Variants in TTLL8 observed in about 807,000 individuals in gnomAD.
TTLL8 encodes protein monoglycylase TTLL8.
TTLL8 carries 65 observed loss-of-function variants against 77.8 expected under a neutral mutation model. The ratio of observed to expected loss-of-function variants is 0.84; its 90% confidence interval spans 0.68 to 1.03. The LOEUF is 1.03. Ranked by LOEUF, TTLL8 falls within the 50% of genes least tolerant of loss-of-function variation. TTLL8 has a pLI of 0.00. For synonymous variants in TTLL8, 402 were observed against 422.8 expected (o/e 0.95, Z 0.60); for missense variants, 910 against 1,004.5 (o/e 0.91, Z 1.27).
At chr22:50,050,912 C>G (rs553753505) in intron 1 of TTLL8, among the ~76,000 whole-genome samples, 1 of 152,336 alleles carries the variant, frequency 6.6e-6, no homozygotes, top group East Asian at 1.9e-4. Context: ...GAGCTCAGTT[C>G]TTAAGACGCG....
intron 12 of TTLL8, among the ~76,000 whole-genome samples, chr22:50,023,884 G>T (rs1329002729): frequency 6.6e-6 from 1 of 151,920 alleles, no homozygotes; most frequent in Non-Finnish European, 1.5e-5. Flanking sequence ...GCCGGGCATG[G>T]TCGTGGGCAC....
intron 1 of TTLL8, among the ~76,000 whole-genome samples, chr22:50,051,626 T>C (rs2061444078): frequency 6.6e-6 from 1 of 152,218 alleles, no homozygotes; most frequent in Admixed American, 6.5e-5. Context: ...TTTTCCACAG[T>C]GGTTGCACTA....
chr22:50,036,104 G>C (rs1447544061), intron 8 of TTLL8, among the ~76,000 whole-genome samples: 1 of 152,210 alleles, frequency 6.6e-6, no homozygotes, highest in African/African-American at 2.4e-5. Flanking sequence ...GGCGAGCAGG[G>C]GCCACAGCCA....
rs149774272 is a variant in TTLL8, at chr22:50,044,127, C to T, written c.643+1128G>A. ...ATCACCTGAAGTCAGGAGTTCGAGACCAGCCTGGCCAACATGGCAAAACCC... is the reference window on the plus strand; with the variant it reads ...ATCACCTGAAGTCAGGAGTTCGAGATCAGCCTGGCCAACATGGCAAAACCC... On this transcript the variant is annotated intron_variant, in intron 6 of 13. Coordinates refer to ENST00000266182, the Ensembl canonical transcript of TTLL8. This position sits in a 1 kb window ranked among gnomAD's most constrained non-coding sequence, Gnocchi z 4.2. Among the ~76,000 whole-genome samples the T allele has an allele frequency of 1.4e-3, 210 of 152,250 alleles. No homozygotes were observed. Among genetic ancestry groups the T allele is most frequent in the Non-Finnish European group, 2.5e-3 (167 of 68,004 alleles).
rs1452425541 is a variant in TTLL8 at position 50,034,570 on chromosome 22, C to T, written c.922-108G>A. 1 of 1,179,248 alleles carries T rather than the reference C, an allele frequency of 8.5e-7. No homozygotes were observed. Among genetic ancestry groups the T allele is most frequent in the African/African-American group, 1.6e-5 (1 of 63,452 alleles). 73.0% of individuals were successfully genotyped at this position (1,179,248 alleles called of 1,614,324 possible). ...CCTGGGCCCCGCCTCACCCACCAAG[C>T]AGGCGCTCGGCTCTAGGATGGTCTG... On this transcript the variant is annotated intron_variant, in intron 8 of 13. Coordinates refer to ENST00000266182, the Ensembl canonical transcript of TTLL8. The surrounding 1 kb of genome is among the most constrained non-coding windows in gnomAD (Gnocchi z 4.1).
chr22:50,056,473 G>A (rs977094448), upstream of TTLL8, among the ~76,000 whole-genome samples: 4 of 152,134 alleles, frequency 2.6e-5, no homozygotes, highest in Non-Finnish European at 4.4e-5. This position sits in a 1 kb window ranked among gnomAD's most constrained non-coding sequence, Gnocchi z 4.1. Flanking sequence ...CTAAGTATGC[G>A]CCTGCCATGT....
At chr22:50,028,841 AC>A (rs529105794) in intron 12 of TTLL8, among the ~76,000 whole-genome samples, 2 of 9,546 alleles carry the variant, frequency 2.1e-4, no homozygotes, top group Non-Finnish European at 3.5e-4. Flanking sequence ...TGTCCTAAAG[AC>A]CCCCACATAC....
chr22:50,043,636 T>C (rs994106631), intron 6 of TTLL8, among the ~76,000 whole-genome samples: 2 of 151,916 alleles, frequency 1.3e-5, no homozygotes, highest in Non-Finnish European at 2.9e-5. Context: ...AGTAGATGGA[T>C]AGATAAATAA....
intron 2 of TTLL8, 175 bp downstream of exon 4, chr22:50,049,934 G>T: frequency 6.6e-6 from 4 of 603,834 alleles, no homozygotes; most frequent in Non-Finnish European, 6.2e-6. Flanking sequence ...GGTTTGCCTG[G>T]CACGACCGCC....
At chr22:50,026,709 C>T (rs1421603090) in intron 12 of TTLL8, among the ~76,000 whole-genome samples, 1 of 152,222 alleles carries the variant, frequency 6.6e-6, no homozygotes. Context: ...GACAATCCAT[C>T]AAGCTGTGTC....
intron 12 of TTLL8, among the ~76,000 whole-genome samples, chr22:50,028,939 C>T (rs199869146): frequency 3.4e-5 from 1 of 29,216 alleles, no homozygotes; most frequent in African/African-American, 1.9e-4. Context: ...GACCCCCACA[C>T]ACCCTCGTAA....
intron 12 of TTLL8, among the ~76,000 whole-genome samples, chr22:50,022,317 C>CATCT (rs2061208665): frequency 1.4e-5 from 2 of 139,198 alleles, no homozygotes; most frequent in Admixed American, 7.1e-5. Flanking sequence ...CACACTCCTC[C>CATCT]GACGACGTGC....
At chr22:50,023,658 C>T (rs2061216590) in intron 12 of TTLL8, among the ~76,000 whole-genome samples, 1 of 152,036 alleles carries the variant, frequency 6.6e-6, no homozygotes, top group South Asian at 2.1e-4. Flanking sequence ...GCACTCCAGC[C>T]TGGCAACAAA....
chr22:50,040,015 C>T (rs2061360087), intron 8 of TTLL8, among the ~76,000 whole-genome samples: 1 of 143,104 alleles, frequency 7.0e-6, no homozygotes, highest in Admixed American at 7.1e-5. Flanking sequence ...CCCAGGTGTG[C>T]CAGCGTGGAC....
At chr22:50,037,855 A>G (rs957934550) in intron 8 of TTLL8, among the ~76,000 whole-genome samples, 4 of 152,148 alleles carry the variant, frequency 2.6e-5, no homozygotes, top group African/African-American at 9.7e-5. Flanking sequence ...TAAATCATTC[A>G]TATTTCTATA....
At chr22:50,047,435 G>T in intron 3 of TTLL8, 139 bp from the exon 6 acceptor site, 1 of 591,636 alleles carries the variant, frequency 1.7e-6, no homozygotes, top group Non-Finnish European at 2.7e-6. Flanking sequence ...AGGCAGTAGT[G>T]CTCCTTGTGG....
chr22:50,047,398 G>T, intron 3 of TTLL8, 102 bp from the exon 6 acceptor site: 1 of 994,128 alleles, frequency 1.0e-6, no homozygotes, highest in Non-Finnish European at 1.4e-6. Context: ...GGCGTGCAGC[G>T]TGAGGATCCC....
At position 50,034,049 on chromosome 22, in the gene TTLL8, AAAT is replaced by A. The variant is rs1244380386; in HGVS notation, c.1039+293_1039+295del. Among the ~76,000 whole-genome samples, 1 of 152,236 alleles carries A rather than the reference AAAT, an allele frequency of 6.6e-6. No homozygotes were observed. The highest frequency in any genetic ancestry group is 6.5e-5 in the Admixed American group (1 of 15,286). On this transcript the variant is annotated intron_variant, in intron 9 of 13. Transcript: ENST00000266182. This position sits in a 1 kb window ranked among gnomAD's most constrained non-coding sequence, Gnocchi z 4.1. Reference sequence around the variant, plus strand: ...ACTCCGTTTCAAAAAACTAAAAATAAAATAATAAAAATAAAAAACTAAAAAGGA... The same window carrying A: ...ACTCCGTTTCAAAAAACTAAAAATAAAATAAAAATAAAAAACTAAAAAGGA...
In TTLL8 at chr22:50,030,381, C is replaced by G. The variant is rs372064189; in HGVS notation, c.2203+49G>C. 1.4e-3 allele frequency: 1,772 copies of G among 1,258,626 alleles called. 34 individuals are homozygous for G. In the South Asian group the frequency reaches 0.016, roughly 11 times the overall value. The allele number at this position is 1,258,626 out of a possible 1,614,324, so 78.0% of individuals were successfully genotyped here. ...CGGCTGCTGGCGAGGGTTGGGGATGCAGCAGGCGGCCCCCAAGCCCACAGC... is the reference window on the plus strand; with the variant it reads ...CGGCTGCTGGCGAGGGTTGGGGATGGAGCAGGCGGCCCCCAAGCCCACAGC... On this transcript the variant is annotated intron_variant, in intron 12 of 13. Transcript: ENST00000266182.
Sources: gnomAD v4.1 joint callset for allele counts (sites outside exome capture counted in the v4.1 genomes callset) on GRCh38, gnomAD v4.1.1 for gene constraint, Gnocchi (gnomAD v3.1) non-coding constraint, MANE v1.5 for transcripts, NCBI Gene and HGNC (gene_info 2026-07-23, HGNC 2026-07-21) for gene names.